NXPH1: variants seen among roughly 807,000 people sequenced by gnomAD.
The protein encoded by NXPH1 is neurexophilin-1.
A neutral mutation model predicts 23.7 loss-of-function variants in NXPH1; 5 were observed. The observed-to-expected ratio is 0.21, with a 90% confidence interval of 0.11 to 0.44. The LOEUF (loss-of-function observed/expected upper bound fraction) is 0.44. Among genes scored for constraint, NXPH1 ranks in the 20% least tolerant of loss-of-function variants. The pLI is 0.99. For missense variants in NXPH1, 324 were observed against 321.6 expected (o/e 1.01, Z -0.06); for synonymous variants, 144 against 122.2 (o/e 1.18, Z -1.18).
chr7:8,490,304 G>A (rs900973623), intron 2 of NXPH1, among the ~76,000 whole-genome samples: 1 of 152,066 alleles, frequency 6.6e-6, no homozygotes, highest in Non-Finnish European at 1.5e-5. Context: ...AATCTAATGA[G>A]TACAGAAATT....
chr7:8,535,815 C>T (rs1035932274), intron 2 of NXPH1, among the ~76,000 whole-genome samples: 2 of 151,850 alleles, frequency 1.3e-5, no homozygotes, highest in African/African-American at 4.8e-5. Flanking sequence ...CTGGATTTTT[C>T]AAAGGTGGTT....
intron 2 of NXPH1, among the ~76,000 whole-genome samples, chr7:8,716,919 T>C (rs1779887600): frequency 6.6e-6 from 1 of 152,184 alleles, no homozygotes; most frequent in South Asian, 2.1e-4. Flanking sequence ...ACCTCCCTAA[T>C]GCACAGTATC....
At chr7:8,728,200 C>T (rs1263771042) in intron 2 of NXPH1, among the ~76,000 whole-genome samples, 1 of 152,154 alleles carries the variant, frequency 6.6e-6, no homozygotes, top group African/African-American at 2.4e-5. Context: ...TATCCTGAGA[C>T]TTTGCTGAAG....
chr7:8,684,455 C>T (rs1245637551), intron 2 of NXPH1, among the ~76,000 whole-genome samples: 1 of 152,140 alleles, frequency 6.6e-6, no homozygotes, highest in Non-Finnish European at 1.5e-5. Context: ...TCTTAGTCTC[C>T]TTCCTTCAGT....
At chr7:8,506,057 C>T (rs866914894) in intron 2 of NXPH1, among the ~76,000 whole-genome samples, 2 of 152,026 alleles carry the variant, frequency 1.3e-5, no homozygotes, top group African/African-American at 2.4e-5. Flanking sequence ...TTTAGAGGTA[C>T]TTTCTGAGTT....
chr7:8,534,969 C>T (rs983656302), intron 2 of NXPH1, among the ~76,000 whole-genome samples: 13 of 151,892 alleles, frequency 8.6e-5, no homozygotes, highest in East Asian at 5.8e-4. Context: ...AGCAAATAGA[C>T]AAAAAGAAAA....
At chr7:8,561,351 G>GACACACACACACACACACACACAC (rs61219039) in intron 2 of NXPH1, among the ~76,000 whole-genome samples, 5 of 140,966 alleles carry the variant, frequency 3.5e-5, no homozygotes, top group East Asian at 4.2e-4. Flanking sequence ...AAGCCTATGT[G>GACACACACACACACACACACACAC]ACACACACAC....
chr7:8,540,872 C>T lies in NXPH1; in HGVS notation c.54+105105C>T, dbSNP rs564890282. Among the ~76,000 whole-genome samples the T allele has an allele frequency of 2.2e-4, 34 of 151,748 alleles. 1 individual carries two copies. Among genetic ancestry groups the T allele is most frequent in the Admixed American group, 9.2e-4 (14 of 15,218 alleles). ...GTGGTGAAGAATAACTAACCCATGA[C>T]TGAGCATGCTCCAGACCTTCCCAAC... On this transcript the variant is annotated intron_variant, in intron 2 of 2. Coordinates refer to ENST00000405863, the MANE Select transcript of NXPH1 (RefSeq NM_152745.3).
intron 2 of NXPH1, among the ~76,000 whole-genome samples, chr7:8,678,894 G>T (rs1820999220): frequency 7.7e-6 from 1 of 129,834 alleles, no homozygotes; most frequent in Admixed American, 7.4e-5. Flanking sequence ...CTTAGTTTTG[G>T]TTCACTTTTC....
At chr7:8,571,569 T>C (rs1304927754) in intron 2 of NXPH1, among the ~76,000 whole-genome samples, 6 of 151,772 alleles carry the variant, frequency 4.0e-5, no homozygotes, top group Non-Finnish European at 5.9e-5. Context: ...TATCTTAATG[T>C]CAAGGAAGAG....
intron 2 of NXPH1, among the ~76,000 whole-genome samples, chr7:8,543,427 T>G (rs1818149172): frequency 6.6e-6 from 1 of 151,612 alleles, no homozygotes; most frequent in African/African-American, 2.4e-5. Flanking sequence ...ACAGACTCTC[T>G]TGTTAATTAA....
intron 2 of NXPH1, among the ~76,000 whole-genome samples, chr7:8,562,832 A>T (rs969912886): frequency 1.3e-5 from 2 of 151,724 alleles, no homozygotes; most frequent in Non-Finnish European, 3.0e-5. Context: ...TTGAAAAAAC[A>T]TATCTCTAGT....
chr7:8,751,115 T>C lies in NXPH1; in HGVS notation c.162T>C (p.Ser54=). 1.9e-6 allele frequency: 3 copies of C among 1,613,826 alleles called. No homozygotes were observed. The highest frequency in any genetic ancestry group is 2.5e-6 in the Non-Finnish European group (3 of 1,179,798). ...GGACAGAAAGCAGCAAAGACTTGTC[T>C]ATCAGCCGACTCCTGTCACAGACTT... is the stretch of plus-strand genomic sequence containing the variant. ...HIWTESSKDL[S]ISRLLSQTFR... is the part of the protein sequence containing the mutation. The change falls in exon 3 of 3, where the codon TCT becomes TCC. Residue 54 remains serine, a synonymous_variant. Transcript: ENST00000405863. The surrounding 1 kb of genome is among the most constrained non-coding windows in gnomAD (Gnocchi z 4.5).
intron 2 of NXPH1, among the ~76,000 whole-genome samples, chr7:8,449,862 G>A (rs1314338988): frequency 2.0e-5 from 3 of 152,216 alleles, no homozygotes; most frequent in Non-Finnish European, 4.4e-5. Context: ...TTTATTAGAT[G>A]CAGTTTTTAT....
At chr7:8,694,414 T>C (rs112339771) in intron 2 of NXPH1, among the ~76,000 whole-genome samples, 1 of 152,162 alleles carries the variant, frequency 6.6e-6, no homozygotes, top group African/African-American at 2.4e-5. Flanking sequence ...ACCACAGGGA[T>C]GACATTTTTT....
chr7:8,716,697 G>A (rs1779883902), intron 2 of NXPH1, among the ~76,000 whole-genome samples: 1 of 152,054 alleles, frequency 6.6e-6, no homozygotes, highest in African/African-American at 2.4e-5. Flanking sequence ...TGTGTTTCTA[G>A]GCTGATGAAC....
intron 2 of NXPH1, among the ~76,000 whole-genome samples, chr7:8,512,652 A>T (rs1010573191): frequency 3.3e-5 from 5 of 152,166 alleles, no homozygotes; most frequent in Non-Finnish European, 7.4e-5. Flanking sequence ...AAGTTAACCA[A>T]GTAGCACAAA....
At chr7:8,511,395 T>C (rs540799303) in intron 2 of NXPH1, among the ~76,000 whole-genome samples, 10 of 152,248 alleles carry the variant, frequency 6.6e-5, no homozygotes, top group Admixed American at 1.3e-4. Flanking sequence ...CTATGAATGT[T>C]GTCCCAGCCT....
chr7:8,726,399 T>C (rs1441503360), intron 2 of NXPH1, among the ~76,000 whole-genome samples: 2 of 151,694 alleles, frequency 1.3e-5, no homozygotes, highest in East Asian at 3.9e-4. Context: ...GTTAGTTACA[T>C]ATGTATACAT....
Sources: allele counts gnomAD v4.1 joint callset (sites outside exome capture counted in the v4.1 genomes callset), GRCh38; gene constraint gnomAD v4.1.1; non-coding constraint Gnocchi (gnomAD v3.1); transcripts MANE v1.5; gene names NCBI Gene and HGNC (gene_info 2026-07-23, HGNC 2026-07-21).